The following RYR2 variants were observed in gnomAD, a reference collection of about 807,000 sequenced individuals.
The protein encoded by RYR2 is cardiac muscle ryanodine receptor-calcium release channel.
Under a neutral mutation model 601.1 loss-of-function variants are expected in RYR2, and 227 were observed. That is an observed-to-expected ratio of 0.38 (90% CI 0.34 to 0.42). The LOEUF (loss-of-function observed/expected upper bound fraction) is 0.42. Among genes scored for constraint, RYR2 ranks in the 10% least tolerant of loss-of-function variants. The pLI is 1.00. For missense variants in RYR2, 4,646 were observed against 6,156.5 expected (o/e 0.75, Z 8.21); for synonymous variants, 2,223 against 2,175.1 (o/e 1.02, Z -0.61).
intron 100 of RYR2, among the ~76,000 whole-genome samples, chr1:237,816,685 T>C (rs1168813706): frequency 2.1e-5 from 2 of 95,192 alleles, no homozygotes; most frequent in Admixed American, 1.0e-4. Flanking sequence ...CGAGACTCTA[T>C]GTAGAAAGAA....
intron 96 of RYR2, 72 bp from the exon 97 acceptor site, chr1:237,797,965 G>GT: frequency 7.6e-7 from 1 of 1,322,188 alleles, no homozygotes; most frequent in Non-Finnish European, 1.0e-6. Flanking sequence ...ATAATTAGAT[G>GT]TTTTATACAC....
intron 1 of RYR2, among the ~76,000 whole-genome samples, chr1:237,214,234 T>C (rs1326256966): frequency 6.6e-6 from 1 of 152,194 alleles, no homozygotes; most frequent in African/African-American, 2.4e-5. Context: ...ATCAACTTAT[T>C]ATCTTATTGA....
At chr1:237,074,846 A>T (rs115388811) in intron 1 of RYR2, among the ~76,000 whole-genome samples, 1 of 152,338 alleles carries the variant, frequency 6.6e-6, no homozygotes, top group African/African-American at 2.4e-5. Context: ...TAGAGGGGCC[A>T]TCCTGGGCAA....
At chr1:237,399,481 G>A (rs1469768741) in intron 10 of RYR2, among the ~76,000 whole-genome samples, 1 of 152,108 alleles carries the variant, frequency 6.6e-6, no homozygotes, top group East Asian at 1.9e-4. Flanking sequence ...CCCAGTGTTG[G>A]ATATAAAATA....
chr1:237,443,931 A>T (rs888671247), intron 13 of RYR2, among the ~76,000 whole-genome samples: 2 of 152,182 alleles, frequency 1.3e-5, no homozygotes, highest in Non-Finnish European at 2.9e-5. Flanking sequence ...TGTATATTAA[A>T]TTATCTTTTC....
chr1:237,495,819 G>A lies in RYR2; in HGVS notation c.1962-692G>A, dbSNP rs188587216. The stretch of plus-strand genomic sequence containing the variant: ...AGCTTAGGAAAATTTCTCCATGTCC[G>A]GAATTCCCAATAACTCCATTAATTC... On this transcript the variant is annotated intron_variant, in intron 19 of 104. Transcript: ENST00000366574. 2.0e-4 allele frequency among the ~76,000 whole-genome samples: 31 copies of A among 152,226 alleles called. 1 individual carries two copies. In the East Asian group the frequency reaches 2.5e-3, roughly 12 times the overall value.
chr1:237,046,102 C>T (rs1317044900), intron 1 of RYR2, among the ~76,000 whole-genome samples: 2 of 152,052 alleles, frequency 1.3e-5, no homozygotes, highest in Non-Finnish European at 2.9e-5. Context: ...TCTCAGTGTT[C>T]ATACATCTTG....
At chr1:237,113,319 C>T (rs1321040036) in intron 1 of RYR2, among the ~76,000 whole-genome samples, 1 of 151,980 alleles carries the variant, frequency 6.6e-6, no homozygotes, top group Admixed American at 6.6e-5. Context: ...CTGCCTCAGC[C>T]CCCTGAGTAG....
At chr1:237,686,966 T>A (rs1378126134) in intron 62 of RYR2, among the ~76,000 whole-genome samples, 1 of 152,182 alleles carries the variant, frequency 6.6e-6, no homozygotes, top group Non-Finnish European at 1.5e-5. Context: ...AGATTTCAAA[T>A]AATAAAACAT....
At chr1:237,261,065 C>G (rs1409449000) in intron 1 of RYR2, among the ~76,000 whole-genome samples, 1 of 152,210 alleles carries the variant, frequency 6.6e-6, no homozygotes, top group Non-Finnish European at 1.5e-5. Flanking sequence ...TTTTATTTGT[C>G]TGTATGACAT....
chr1:237,364,494 T>A, intron 5 of RYR2, 122 bp downstream of exon 5: 3 of 414,436 alleles, frequency 7.2e-6, no homozygotes, highest in Non-Finnish European at 8.5e-6. Context: ...GATATATATA[T>A]TACTATATAT....
At chr1:237,660,700 C>T in intron 55 of RYR2, 110 bp from the exon 56 acceptor site, 1 of 890,584 alleles carries the variant, frequency 1.1e-6, no homozygotes, top group Non-Finnish European at 1.6e-6. Context: ...ATAAGCTATG[C>T]TCATCAAATT....
intron 8 of RYR2, among the ~76,000 whole-genome samples, chr1:237,386,245 T>C (rs1478490861): frequency 2.0e-5 from 3 of 152,202 alleles, no homozygotes; most frequent in African/African-American, 7.2e-5. Flanking sequence ...AAAGTTTCTT[T>C]GGTTTTATTT....
intron 38 of RYR2, among the ~76,000 whole-genome samples, chr1:237,620,079 T>C (rs1678915326): frequency 6.6e-6 from 1 of 152,188 alleles, no homozygotes; most frequent in African/African-American, 2.4e-5. Context: ...TCTCTGGAGT[T>C]TTCTAATTTA....
chr1:237,281,087 T>G (rs1000412653), intron 2 of RYR2, among the ~76,000 whole-genome samples: 2 of 152,148 alleles, frequency 1.3e-5, no homozygotes, highest in Non-Finnish European at 2.9e-5. Context: ...GCCTGGCCTC[T>G]TTTTAGTATT....
intron 16 of RYR2, among the ~76,000 whole-genome samples, chr1:237,464,325 C>G (rs1434879035): frequency 6.6e-6 from 1 of 152,200 alleles, no homozygotes. Context: ...AGTGTAGCCA[C>G]AGAACATCTC....
intron 22 of RYR2, among the ~76,000 whole-genome samples, chr1:237,504,154 T>C (rs962196587): frequency 3.3e-5 from 5 of 152,250 alleles, no homozygotes; most frequent in African/African-American, 1.2e-4. Flanking sequence ...GTTTATAAAG[T>C]GCATATTATA....
chr1:237,129,502 T>TGA (rs1208676193), intron 1 of RYR2, among the ~76,000 whole-genome samples: 2 of 152,170 alleles, frequency 1.3e-5, no homozygotes, highest in Non-Finnish European at 2.9e-5. Context: ...AGAATGTTGC[T>TGA]GAGAGTTCTA....
intron 35 of RYR2, among the ~76,000 whole-genome samples, chr1:237,602,922 C>T (rs1251478385): frequency 6.6e-6 from 1 of 152,158 alleles, no homozygotes; most frequent in Non-Finnish European, 1.5e-5. Flanking sequence ...TAATTTGATA[C>T]TGTCTACATG....
Sources: gnomAD v4.1 joint callset for allele counts (sites outside exome capture counted in the v4.1 genomes callset) on GRCh38, gnomAD v4.1.1 for gene constraint, MANE v1.5 for transcripts, NCBI Gene and HGNC (gene_info 2026-07-23, HGNC 2026-07-21) for gene names.